PIK3C3: variants seen among roughly 807,000 people sequenced by gnomAD.
PIK3C3 encodes phosphatidylinositol 3-kinase catalytic subunit type 3, also known as PI3-kinase type 3.
Under a neutral mutation model 126.1 loss-of-function variants are expected in PIK3C3, and 95 were observed. That is an observed-to-expected ratio of 0.75 (90% CI 0.64 to 0.89). The LOEUF is 0.89. PIK3C3 is among the 40% of genes least tolerant of loss of function. The pLI is 0.00. For synonymous variants in PIK3C3, 374 were observed against 360.0 expected, an observed-to-expected ratio of 1.04 and a Z score of -0.44; for missense variants, 829 against 1,063.2, an observed-to-expected ratio of 0.78 and a Z score of 3.06.
intron 1 of PIK3C3, among the ~76,000 whole-genome samples, chr18:41,956,297 ATACTT>A (rs1278631976): frequency 6.6e-6 from 1 of 152,200 alleles, no homozygotes; most frequent in Admixed American, 6.5e-5. Context: ...TCGCTGACAA[ATACTT>A]TACTTTTTAG....
At position 42,082,050 on chromosome 18, in the gene PIK3C3, A is replaced by C. The variant is rs893496458; in HGVS notation, c.*913A>C. On this transcript the variant is annotated 3_prime_UTR_variant, in exon 25 of 25. Transcript: ENST00000262039. ...TAATATATTCTTTCTGAATTAAGCA[A>C]AATTTTTTTTGTCTTTTAAGACTAG... The C allele has an allele frequency of 6.6e-6, 1 of 152,190 alleles. No homozygotes were observed. The highest frequency in any genetic ancestry group is 1.5e-5 in the Non-Finnish European group (1 of 68,012). The allele number at this position is 152,190 out of a possible 1,614,324, so 9.4% of individuals were successfully genotyped here.
intron 10 of PIK3C3, among the ~76,000 whole-genome samples, chr18:42,010,614 C>T (rs1347189002): frequency 1.3e-5 from 2 of 152,190 alleles, no homozygotes; most frequent in Non-Finnish European, 2.9e-5. Flanking sequence ...GATCCACCCA[C>T]CTCGGCCTCC....
chr18:41,989,277 C>T (rs1185406131), intron 5 of PIK3C3, among the ~76,000 whole-genome samples: 4 of 151,974 alleles, frequency 2.6e-5, no homozygotes, highest in Non-Finnish European at 5.9e-5. Flanking sequence ...GGCTATATTG[C>T]CCAGGATAGT....
intron 2 of PIK3C3, among the ~76,000 whole-genome samples, chr18:41,958,814 C>G (rs958463283): frequency 4.6e-5 from 7 of 151,740 alleles, no homozygotes; most frequent in African/African-American, 1.2e-4. Context: ...AAATTTTAAA[C>G]CTACAAAAAT....
rs553179537 is a variant in PIK3C3, at chr18:41,962,531, G to T, written c.300G>T (p.Leu100=). 1 of 1,613,462 alleles carries T rather than the reference G, an allele frequency of 6.2e-7. No homozygotes were observed. The highest frequency in any genetic ancestry group is 8.5e-7 in the Non-Finnish European group (1 of 1,179,648). The change falls in exon 3 of 25, where the codon CTG becomes CTT. Residue 100 remains leucine, a synonymous_variant. Coordinates refer to ENST00000262039, the MANE Select transcript of PIK3C3 (RefSeq NM_002647.4). Reference sequence around the variant, plus strand: ...AACTACCAGTAAAATACCCTGACCTGCCCAGGAATGCCCAAGTGGCCCTCA... The same window carrying T: ...AACTACCAGTAAAATACCCTGACCTTCCCAGGAATGCCCAAGTGGCCCTCA... ...WLKLPVKYPD[L]PRNAQVALTI... is the part of the protein sequence containing the mutation.
chr18:42,010,183 C>T (rs560292319), intron 10 of PIK3C3, among the ~76,000 whole-genome samples: 1 of 152,274 alleles, frequency 6.6e-6, no homozygotes, highest in East Asian at 1.9e-4. Context: ...TTCACAGCAT[C>T]TTCACCAAGC....
At chr18:42,000,527 G>T (rs1982235431) in intron 9 of PIK3C3, among the ~76,000 whole-genome samples, 1 of 152,152 alleles carries the variant, frequency 6.6e-6, no homozygotes, top group Non-Finnish European at 1.5e-5. Flanking sequence ...CCAGGGGTTA[G>T]GCCTGAACCT....
chr18:42,022,953 A>G (rs545646546), intron 13 of PIK3C3, among the ~76,000 whole-genome samples: 54 of 152,284 alleles, frequency 3.5e-4, no homozygotes, highest in African/African-American at 1.2e-3. Flanking sequence ...ATGGAAAAAT[A>G]TTTCCTCATG....
intron 24 of PIK3C3, among the ~76,000 whole-genome samples, chr18:42,070,189 G>A (rs894718125): frequency 2.0e-5 from 3 of 152,196 alleles, no homozygotes; most frequent in African/African-American, 7.2e-5. Context: ...GAAGGCAGAC[G>A]TGGCAGTCCT....
chr18:42,007,163 C>A (rs150921231), intron 10 of PIK3C3, among the ~76,000 whole-genome samples: 1 of 152,112 alleles, frequency 6.6e-6, no homozygotes, highest in African/African-American at 2.4e-5. Context: ...CCACCACACC[C>A]GGCCTTAAAA....
intron 9 of PIK3C3, among the ~76,000 whole-genome samples, chr18:42,002,012 T>C (rs992484048): frequency 1.5e-4 from 23 of 152,136 alleles, no homozygotes; most frequent in Non-Finnish European, 3.1e-4. Context: ...GTAGAGGAAG[T>C]GGACAGCTGT....
At chr18:41,967,993 C>T (rs986097658) in intron 3 of PIK3C3, among the ~76,000 whole-genome samples, 2 of 152,164 alleles carry the variant, frequency 1.3e-5, no homozygotes, top group African/African-American at 4.8e-5. Flanking sequence ...TCTGCCTTGC[C>T]ACCTGGAGGC....
chr18:41,955,460 C>G (rs746283533), intron 1 of PIK3C3, 101 bp downstream of exon 1: 2 of 1,009,540 alleles, frequency 2.0e-6, no homozygotes, highest in Admixed American at 3.9e-5. Context: ...TGACTCGTCT[C>G]AAGGCCCAGA....
At chr18:41,959,884 G>A (rs894184751) in intron 2 of PIK3C3, among the ~76,000 whole-genome samples, 4 of 152,186 alleles carry the variant, frequency 2.6e-5, no homozygotes, top group South Asian at 4.1e-4. Flanking sequence ...TGAATTTATT[G>A]GTAGTTCATC....
At chr18:42,050,821 C>G (rs1428807619) in intron 21 of PIK3C3, 1 of 152,196 alleles carries the variant, frequency 6.6e-6, no homozygotes, top group Non-Finnish European at 1.5e-5. Flanking sequence ...AATGTCAAAC[C>G]ACTCCTGCCT....
At chr18:41,984,051 G>GA (rs2144339492) in intron 4 of PIK3C3, among the ~76,000 whole-genome samples, 1 of 150,300 alleles carries the variant, frequency 6.7e-6, no homozygotes, top group East Asian at 2.0e-4. Flanking sequence ...AAGAGAGAAT[G>GA]AATTTTTTTT....
At chr18:41,968,094 C>T (rs148309639) in intron 3 of PIK3C3, among the ~76,000 whole-genome samples, 53 of 152,312 alleles carry the variant, frequency 3.5e-4, no homozygotes, top group African/African-American at 1.0e-3. Flanking sequence ...ATACCCTCCA[C>T]GTCCCCTATC....
rs1269337491 is a variant in PIK3C3 at position 41,988,599 on chromosome 18, A to T, written c.618+701A>T. ...CTAATTTATAATGACCATAAGGCAC[A>T]ACTTACTTAATTTATATTCTCCAAA... On this transcript the variant is annotated intron_variant, in intron 5 of 24. Coordinates refer to ENST00000262039, the MANE Select transcript of PIK3C3 (RefSeq NM_002647.4). Among the ~76,000 whole-genome samples the T allele has an allele frequency of 2.0e-5, 3 of 152,300 alleles. No individual in the cohort carries two copies. The East Asian group carries it at 5.8e-4, about 29-fold the overall frequency.
rs774938529 is a variant in PIK3C3, at chr18:42,015,331, G to A, written c.1326-145G>A. On this transcript the variant is annotated intron_variant, in intron 11 of 24. Coordinates refer to ENST00000262039, the MANE Select transcript of PIK3C3 (RefSeq NM_002647.4). ...CCATGCGCTTTTTCCAGAGTACAATGTGACTCTAGTGTTGCACAGAACACA... is the reference window on the plus strand; with the variant it reads ...CCATGCGCTTTTTCCAGAGTACAATATGACTCTAGTGTTGCACAGAACACA... 8.8e-5 allele frequency: 54 copies of A among 611,520 alleles called. 1 individual carries two copies. The highest frequency in any genetic ancestry group is 5.4e-4 in the Middle Eastern group (2 of 3,732). 37.9% of individuals were successfully genotyped at this position (611,520 alleles called of 1,614,324 possible).
Sources: allele counts gnomAD v4.1 joint callset (sites outside exome capture counted in the v4.1 genomes callset), GRCh38; gene constraint gnomAD v4.1.1; transcripts MANE v1.5; gene names NCBI Gene and HGNC (gene_info 2026-07-23, HGNC 2026-07-21).